Variants in LRRC37A2 observed in about 807,000 individuals in gnomAD.
LRRC37A2 encodes the protein leucine-rich repeat-containing protein 37A2.
A neutral mutation model predicts 68.8 loss-of-function variants in LRRC37A2; 9 were observed. The ratio of observed to expected loss-of-function variants is 0.13; its 90% CI spans 0.08 to 0.23. The LOEUF (loss-of-function observed/expected upper bound fraction) is 0.23. Among genes scored for constraint, LRRC37A2 ranks in the 10% least tolerant of loss-of-function variants. The pLI, the probability that LRRC37A2 is intolerant of heterozygous loss-of-function variation, is 1.00. For missense variants in LRRC37A2, 168 were observed against 950.4 expected (o/e 0.18, Z 10.82); for synonymous variants, 63 against 367.6 (o/e 0.17, Z 9.48).
chr17:46,877,902 C>T, the LRRC37A2 span, among the ~76,000 whole-genome samples: 3 of 152,204 alleles, frequency 2.0e-5, no homozygotes, highest in Non-Finnish European at 4.4e-5. Context: ...TGGCCTCTCA[C>T]TTGGCCCTCA....
chr17:46,810,732 A>G, the LRRC37A2 span, among the ~76,000 whole-genome samples: 1 of 151,674 alleles, frequency 6.6e-6, no homozygotes, highest in Non-Finnish European at 1.5e-5. Flanking sequence ...TAGCTGGGTG[A>G]CCTGAACGCG....
the LRRC37A2 span, among the ~76,000 whole-genome samples, chr17:46,466,897 A>G: frequency 6.6e-4 from 68 of 103,138 alleles, 23 homozygotes; most frequent in Non-Finnish European, 1.3e-3. Context: ...GGCCTCAGAA[A>G]TAATGCCACA....
the LRRC37A2 span, among the ~76,000 whole-genome samples, chr17:46,835,962 C>A: frequency 1.2e-4 from 19 of 152,310 alleles, no homozygotes; most frequent in Admixed American, 1.2e-3. Flanking sequence ...TGAGATCCTG[C>A]CTCTGGGCCC....
At chr17:46,501,038 C>T in the LRRC37A2 span, among the ~76,000 whole-genome samples, 2 of 151,248 alleles carry the variant, frequency 1.3e-5, no homozygotes, top group African/African-American at 2.5e-5. Flanking sequence ...AAAAAATTAG[C>T]TGGGCATGGT....
chr17:46,779,055 A>ACACACACACGCGCGCG, the LRRC37A2 span, among the ~76,000 whole-genome samples: 9 of 76,720 alleles, frequency 1.2e-4, no homozygotes, highest in Admixed American at 5.0e-4. Context: ...CTACCCCATC[A>ACACACACACGCGCGCG]CACACACACA....
chr17:46,726,102 G>A, the LRRC37A2 span, among the ~76,000 whole-genome samples: 1 of 152,156 alleles, frequency 6.6e-6, no homozygotes, highest in African/African-American at 2.4e-5. Flanking sequence ...ATTATGGTCT[G>A]ATTTGAGTTG....
the LRRC37A2 span, chr17:46,966,631 G>T: frequency 1.5e-6 from 1 of 662,250 alleles, no homozygotes; most frequent in Non-Finnish European, 2.8e-6. Flanking sequence ...TTATAGGTAT[G>T]AGCCACCACC....
At chr17:46,755,430 G>T in the LRRC37A2 span, 1 of 1,334,660 alleles carries the variant, frequency 7.5e-7, no homozygotes. Flanking sequence ...AAATCCCTGT[G>T]CCTATTCTAA....
chr17:46,872,253 A>T, the LRRC37A2 span, among the ~76,000 whole-genome samples: 1 of 152,238 alleles, frequency 6.6e-6, no homozygotes, highest in Admixed American at 6.5e-5. Flanking sequence ...TGATTTTTCT[A>T]ACTGGGCCAA....
chr17:47,034,137 A>G, the LRRC37A2 span, among the ~76,000 whole-genome samples: 11,428 of 152,326 alleles, frequency 0.075, 530 homozygotes, highest in Middle Eastern at 0.13. Flanking sequence ...GGAGTTCAAG[A>G]TCAGCCTGGG....
the LRRC37A2 span, among the ~76,000 whole-genome samples, chr17:46,721,397 T>G: frequency 1.3e-5 from 2 of 152,168 alleles, no homozygotes; most frequent in African/African-American, 4.8e-5. Context: ...ATTGTTTCCT[T>G]CTTCAGTTCT....
At chr17:46,815,529 G>A in the LRRC37A2 span, among the ~76,000 whole-genome samples, 6 of 152,264 alleles carry the variant, frequency 3.9e-5, no homozygotes, top group Admixed American at 3.9e-4. Flanking sequence ...TCAAAGTACT[G>A]GAATCTGACT....
chr17:46,721,422 T>C, the LRRC37A2 span, among the ~76,000 whole-genome samples: 1 of 152,210 alleles, frequency 6.6e-6, no homozygotes, highest in East Asian at 1.9e-4. Flanking sequence ...GTTTTTTCTT[T>C]AGCCTTCTCT....
the LRRC37A2 span, among the ~76,000 whole-genome samples, chr17:46,884,686 A>G: frequency 2.0e-5 from 3 of 152,154 alleles, no homozygotes; most frequent in African/African-American, 7.2e-5. Flanking sequence ...CAACGCTCCA[A>G]GTTGGTGTCA....
the LRRC37A2 span, chr17:46,978,620 T>G: frequency 6.4e-7 from 1 of 1,561,976 alleles, no homozygotes; most frequent in South Asian, 1.2e-5. Flanking sequence ...GCAGCAGCGC[T>G]GGCGAGGGCG....
At chr17:46,842,409 C>T in the LRRC37A2 span, among the ~76,000 whole-genome samples, 1 of 152,210 alleles carries the variant, frequency 6.6e-6, no homozygotes, top group Non-Finnish European at 1.5e-5. Flanking sequence ...GGGTCTCCCT[C>T]TGTCGCCCAG....
the LRRC37A2 span, among the ~76,000 whole-genome samples, chr17:46,965,736 C>T: frequency 6.6e-6 from 1 of 152,136 alleles, no homozygotes; most frequent in African/African-American, 2.4e-5. Context: ...GATCCTCCCA[C>T]CTTAGCCTCC....
At chr17:46,467,242 A>G in the LRRC37A2 span, among the ~76,000 whole-genome samples, 2 of 58,580 alleles carry the variant, frequency 3.4e-5, 1 homozygote, top group Admixed American at 3.3e-4. Flanking sequence ...TCTTAGATTC[A>G]TAAAAAGATC....
chr17:46,752,821 T>C, the LRRC37A2 span, among the ~76,000 whole-genome samples: 1 of 151,886 alleles, frequency 6.6e-6, no homozygotes, highest in South Asian at 2.1e-4. Flanking sequence ...CAGGCTTGAG[T>C]AGTGGCATGA....
Sources: gnomAD v4.1 joint callset for allele counts (sites outside exome capture counted in the v4.1 genomes callset) on GRCh38, gnomAD v4.1.1 for gene constraint, MANE v1.5 for transcripts, NCBI Gene and HGNC (gene_info 2026-07-23, HGNC 2026-07-21) for gene names.